SPPL2B: variants seen among roughly 807,000 people sequenced by gnomAD.
SPPL2B encodes the protein signal peptide peptidase-like 2B.
SPPL2B carries 39 observed loss-of-function variants against 59.7 expected under a neutral mutation model. That is an observed-to-expected ratio of 0.65 (90% CI 0.51 to 0.85). The LOEUF (loss-of-function observed/expected upper bound fraction) is 0.85. Ranked by LOEUF, SPPL2B falls within the 40% of genes least tolerant of loss-of-function variation. The pLI is 0.00. For synonymous variants in SPPL2B, 419 were observed against 370.8 expected (o/e 1.13, Z -1.49); for missense variants, 865 against 849.0 (o/e 1.02, Z -0.23).
chr19:2,338,978 T>TCCAACC, intron 4 of SPPL2B, 91 bp from the exon 5 acceptor site: 1 of 1,505,052 alleles, frequency 6.6e-7, no homozygotes, highest in Non-Finnish European at 9.0e-7. Context: ...GGCCAGGGTC[T>TCCAACC]CCAGCCCCAG....
Position 2,353,596 on chromosome 19 carries a change from A to G in SPPL2B, c.*387A>G, listed in dbSNP as rs959419839. ...GTGCTCACCAGCTGCTTCGGCCTTCAGGTGACCTCCCTCCCCACGGCATCC... is the reference window on the plus strand; with the variant it reads ...GTGCTCACCAGCTGCTTCGGCCTTCGGGTGACCTCCCTCCCCACGGCATCC... On this transcript the variant is annotated 3_prime_UTR_variant, in exon 15 of 15. Coordinates refer to ENST00000613503, the MANE Select transcript of SPPL2B (RefSeq NM_152988.3). 1.9e-5 allele frequency: 4 copies of G among 213,826 alleles called. No homozygotes were observed. Among genetic ancestry groups the G allele is most frequent in the Admixed American group, 5.3e-5 (1 of 18,948 alleles). 13.2% of individuals were successfully genotyped at this position (213,826 alleles called of 1,614,324 possible).
At chr19:2,335,335 A>C (rs4807232) in intron 2 of SPPL2B, among the ~76,000 whole-genome samples, 17,395 of 24,290 alleles carry the variant, frequency 0.72, 7,204 homozygotes, top group Middle Eastern at 0.82. Flanking sequence ...GCCCCGCCTC[A>C]TTTCCCACTG....
chr19:2,350,340 A>T (rs1221328746), intron 13 of SPPL2B, among the ~76,000 whole-genome samples: 1 of 117,078 alleles, frequency 8.5e-6, no homozygotes, highest in African/African-American at 3.4e-5. Context: ...ACACACACTC[A>T]CGTGCTCTCA....
intron 4 of SPPL2B, 29 bp downstream of exon 4, chr19:2,338,870 T>G: frequency 6.2e-7 from 1 of 1,602,104 alleles, no homozygotes; most frequent in Non-Finnish European, 8.5e-7. Context: ...AGACCCACGC[T>G]CCCGAGGAGA....
At chr19:2,351,698 G>A (rs1470861760) in intron 14 of SPPL2B, 104 bp downstream of exon 14, 8 of 1,464,726 alleles carry the variant, frequency 5.5e-6, no homozygotes, top group East Asian at 4.6e-5. Flanking sequence ...CTGCGGCCGC[G>A]ACGGGGCTCA....
chr19:2,348,148 T>C (rs867837324), intron 13 of SPPL2B, among the ~76,000 whole-genome samples: 1 of 35,894 alleles, frequency 2.8e-5, no homozygotes, highest in Non-Finnish European at 4.7e-5. Context: ...CTCATTCGCT[T>C]GATTCCGTTC....
At chr19:2,341,647 C>G (rs1246878868) in intron 8 of SPPL2B, 1 of 455,174 alleles carries the variant, frequency 2.2e-6, no homozygotes, top group Non-Finnish European at 4.4e-6. Context: ...CCTGAGGCAG[C>G]CAAGTACGCT....
chr19:2,336,320 A>G (rs1176915418), intron 2 of SPPL2B, among the ~76,000 whole-genome samples: 2 of 151,476 alleles, frequency 1.3e-5, no homozygotes, highest in Non-Finnish European at 2.9e-5. Flanking sequence ...GCATGTAGCT[A>G]CATAATAGTT....
chr19:2,341,021 G>T lies in SPPL2B; in HGVS notation c.956+7G>T. The stretch of plus-strand genomic sequence containing the variant: ...TCTTCCGCAACGAGGACCAGTAAGT[G>T]CTGCTTCCCCCGGGCCCCGGCGGGC... On this transcript the variant is annotated splice_region_variant and intron_variant, in intron 8 of 14. Transcript: ENST00000613503. 6.3e-7 allele frequency: 1 copy of T among 1,598,578 alleles called. No individual in the cohort carries two copies. Among genetic ancestry groups the T allele is most frequent in the Non-Finnish European group, 8.5e-7 (1 of 1,175,210 alleles).
intron 13 of SPPL2B, among the ~76,000 whole-genome samples, chr19:2,348,699 G>A (rs547601614): frequency 1.5e-4 from 16 of 106,520 alleles, no homozygotes; most frequent in South Asian, 6.2e-4. Flanking sequence ...GCTTGATTCC[G>A]TTCTCTCTCC....
intron 2 of SPPL2B, 194 bp from the exon 3 acceptor site, chr19:2,337,249 C>T (rs1968703482): frequency 7.8e-6 from 4 of 516,126 alleles, no homozygotes; most frequent in Admixed American, 3.8e-5. Context: ...GATGAGGCAG[C>T]CCAGCCCGTC....
chr19:2,338,386 T>G (rs186873725), intron 3 of SPPL2B: 44 of 172,506 alleles, frequency 2.6e-4, no homozygotes, highest in Admixed American at 2.5e-3. Flanking sequence ...CCGTCGTAGT[T>G]GAGAGAGGCC....
At chr19:2,328,833 C>G in intron 1 of SPPL2B, 58 bp downstream of exon 1, 1 of 1,298,026 alleles carries the variant, frequency 7.7e-7, no homozygotes. Flanking sequence ...GCCTCTCTGT[C>G]CCCGGGCTAC....
At chr19:2,337,030 G>A (rs983478007) in intron 2 of SPPL2B, 7 of 174,418 alleles carry the variant, frequency 4.0e-5, no homozygotes, top group East Asian at 1.7e-4. Flanking sequence ...GTGTGTGCGT[G>A]TGTGTCTTGG....
chr19:2,350,942 G>A (rs890639946), intron 13 of SPPL2B, among the ~76,000 whole-genome samples: 1 of 152,230 alleles, frequency 6.6e-6, no homozygotes, highest in African/African-American at 2.4e-5. Flanking sequence ...CCCGGTGGGT[G>A]GACACCGTGC....
In SPPL2B at chr19:2,334,731, C is replaced by A; in HGVS notation, c.186+10C>A. ...CGACCTCAGCAAGGCAGTGAGTACC[C>A]GCTGGCCGGGCGCCGCTGCGGAGGA... On this transcript the variant is annotated intron_variant, in intron 2 of 14. Coordinates refer to ENST00000613503, the MANE Select transcript of SPPL2B (RefSeq NM_152988.3). The A allele has an allele frequency of 6.3e-7, 1 of 1,574,806 alleles. No individual in the cohort carries two copies. Among genetic ancestry groups the A allele is most frequent in the Non-Finnish European group, 8.6e-7 (1 of 1,160,326 alleles).
At chr19:2,343,907 TG>T in intron 9 of SPPL2B, 57 bp from the exon 10 acceptor site, 1 of 1,324,530 alleles carries the variant, frequency 7.5e-7, no homozygotes, top group Non-Finnish European at 1.1e-6. Flanking sequence ...CCTCATGAGA[TG>T]GGAGTGGGGG....
At chr19:2,344,980 CAG>C (rs1969284535) in intron 12 of SPPL2B, among the ~76,000 whole-genome samples, 1 of 152,146 alleles carries the variant, frequency 6.6e-6, no homozygotes. Flanking sequence ...CTGCAGAAGG[CAG>C]AGACTGTACC....
intron 1 of SPPL2B, among the ~76,000 whole-genome samples, chr19:2,331,238 C>T (rs547690845): frequency 1.3e-5 from 2 of 152,358 alleles, no homozygotes; most frequent in African/African-American, 2.4e-5. Flanking sequence ...CCTGGACTCA[C>T]TGGCCTGTTT....
Sources: allele counts gnomAD v4.1 joint callset (sites outside exome capture counted in the v4.1 genomes callset), GRCh38; gene constraint gnomAD v4.1.1; transcripts MANE v1.5; gene names NCBI Gene and HGNC (gene_info 2026-07-23, HGNC 2026-07-21).